Variants in LRBA observed in about 807,000 individuals in gnomAD.
LRBA encodes the protein LPS responsive beige-like anchor protein.
A neutral mutation model predicts 330.0 loss-of-function variants in LRBA; 176 were observed. The ratio of observed to expected loss-of-function variants is 0.53; its 90% CI spans 0.47 to 0.60. The LOEUF (loss-of-function observed/expected upper bound fraction) is 0.60, where lower values mean the gene tolerates loss of function less well. Ranked by LOEUF, LRBA falls within the 20% of genes least tolerant of loss-of-function variation. The pLI is 0.00. For synonymous variants in LRBA, 1,230 were observed against 1,193.0 expected (o/e 1.03, Z -0.64); for missense variants, 3,259 against 3,444.8 (o/e 0.95, Z 1.35).
intron 47 of LRBA, among the ~76,000 whole-genome samples, chr4:150,389,480 G>A (rs1743569246): frequency 6.6e-6 from 1 of 151,980 alleles, no homozygotes; most frequent in African/African-American, 2.4e-5. Context: ...GCTGAGGTGG[G>A]CAGATTGCTT....
chr4:150,549,620 T>C (rs780622990), intron 40 of LRBA, among the ~76,000 whole-genome samples: 15 of 152,174 alleles, frequency 9.9e-5, no homozygotes, highest in Non-Finnish European at 1.6e-4. Flanking sequence ...CATGAGCCAC[T>C]GCACCCAGCC....
chr4:150,778,400 C>T (rs893459614), intron 34 of LRBA, among the ~76,000 whole-genome samples: 18 of 152,046 alleles, frequency 1.2e-4, no homozygotes, highest in African/African-American at 4.3e-4. Flanking sequence ...ATTAAGATAA[C>T]CATGCAAATC....
At position 150,695,036 on chromosome 4, in the gene LRBA, T is replaced by C. The variant is rs563675800; in HGVS notation, c.5755-11319A>G. On this transcript the variant is annotated intron_variant, in intron 36 of 56. Coordinates refer to ENST00000651943, the MANE Select transcript of LRBA (RefSeq NM_001364905.1). ...TCCACACATAATATTTTGTTTTCATTATTTCTTTAGAGTACTTATTAACAA... is the reference window on the plus strand; with the variant it reads ...TCCACACATAATATTTTGTTTTCATCATTTCTTTAGAGTACTTATTAACAA... 5.4e-4 allele frequency among the ~76,000 whole-genome samples: 82 copies of C among 152,308 alleles called. 2 individuals are homozygous for C. The South Asian group carries it at 0.015, about 28-fold the overall frequency.
rs369295708 is a variant in LRBA, at chr4:150,282,546, C to T, written c.8220G>A (p.Glu2740=). The T allele has an allele frequency of 1.9e-6, 3 of 1,613,992 alleles. No individual in the cohort carries two copies. The African/African-American group carries it at 4.0e-5, about 22-fold the overall frequency. ...LKPKLIQASR[E]GHCVIFYENG... ...TTTCATAGAATATGACACAATGACC[C>T]TCTCTTGAAGCCTGAATGAGTTTTG... The change falls in exon 55 of 57, where the codon GAG becomes GAA. Residue 2740 remains glutamate (E), a synonymous_variant. Transcript: ENST00000651943.
chr4:150,731,515 A>G (rs1730455427), intron 36 of LRBA, among the ~76,000 whole-genome samples: 1 of 152,238 alleles, frequency 6.6e-6, no homozygotes, highest in Non-Finnish European at 1.5e-5. Context: ...AATGGAGATC[A>G]TTATGTTAAG....
chr4:150,473,611 G>A (rs921005826), intron 42 of LRBA, among the ~76,000 whole-genome samples: 9 of 152,156 alleles, frequency 5.9e-5, no homozygotes, highest in Non-Finnish European at 1.0e-4. Flanking sequence ...GATAGCAGGA[G>A]CTCTTGGTTC....
chr4:150,390,253 T>G (rs1561107953), intron 47 of LRBA, among the ~76,000 whole-genome samples: 1 of 152,132 alleles, frequency 6.6e-6, no homozygotes. Context: ...AACCAGAGAA[T>G]ACACTTTTCC....
chr4:150,459,281 T>C (rs1159954413), intron 44 of LRBA, among the ~76,000 whole-genome samples: 3 of 151,928 alleles, frequency 2.0e-5, no homozygotes, highest in African/African-American at 7.2e-5. Context: ...GGTGTTCTCA[T>C]ATCAGAAACG....
intron 36 of LRBA, among the ~76,000 whole-genome samples, chr4:150,699,277 A>G (rs1392340681): frequency 6.6e-6 from 1 of 152,106 alleles, no homozygotes; most frequent in Non-Finnish European, 1.5e-5. Flanking sequence ...CCTGTTCAAG[A>G]GTGTGGCCTA....
intron 35 of LRBA, among the ~76,000 whole-genome samples, chr4:150,742,805 G>C (rs568923009): frequency 1.3e-5 from 2 of 152,248 alleles, no homozygotes; most frequent in East Asian, 3.9e-4. Flanking sequence ...GGCCAAGGCA[G>C]GAGAATCACC....
intron 54 of LRBA, among the ~76,000 whole-genome samples, chr4:150,284,012 C>G (rs1013967996): frequency 1.3e-5 from 2 of 151,954 alleles, no homozygotes; most frequent in African/African-American, 2.4e-5. Context: ...TATTGGCCAA[C>G]AAAGATGAAA....
rs1168043956 is a variant in LRBA, at chr4:150,635,814, G to A, written c.5922-36683C>T. On this transcript the variant is annotated intron_variant, in intron 37 of 56. Transcript: ENST00000651943. ...ATTACCCCAGTAATCCTTATAGCAA[G>A]ATGACACAGCTGAGAATCATGTCTG... Among the ~76,000 whole-genome samples, 7 of 152,126 alleles carry A rather than the reference G, an allele frequency of 4.6e-5. No individual in the cohort carries two copies. In the East Asian group the frequency reaches 1.3e-3, roughly 29 times the overall value.
intron 49 of LRBA, among the ~76,000 whole-genome samples, chr4:150,322,381 C>T (rs1451212156): frequency 1.3e-5 from 2 of 152,144 alleles, no homozygotes; most frequent in Non-Finnish European, 2.9e-5. Flanking sequence ...AGTAATTGCA[C>T]TGTACATTTT....
Position 150,812,559 on chromosome 4 carries a change from T to TA in LRBA, c.5306-4162dup, listed in dbSNP as rs1416604745. Among the ~76,000 whole-genome samples the TA allele has an allele frequency of 9.2e-5, 14 of 152,146 alleles. 1 individual carries two copies. The highest frequency in any genetic ancestry group is 9.2e-4 in the Admixed American group (14 of 15,264). Reference sequence around the variant, plus strand: ...CCAGTTAATTCAGCCTGGGATAGTCTACATGCCCAGTAAAAACTAATTAAA... The same window carrying TA: ...CCAGTTAATTCAGCCTGGGATAGTCTAACATGCCCAGTAAAAACTAATTAAA... On this transcript the variant is annotated intron_variant, in intron 31 of 56. Transcript: ENST00000651943.
chr4:150,712,102 C>T (rs952630486), intron 36 of LRBA, among the ~76,000 whole-genome samples: 1 of 152,152 alleles, frequency 6.6e-6, no homozygotes, highest in Non-Finnish European at 1.5e-5. Flanking sequence ...AAGAGCAGAA[C>T]ATAAAGTTTT....
At chr4:150,437,859 A>G (rs1170640804) in intron 44 of LRBA, among the ~76,000 whole-genome samples, 2 of 152,254 alleles carry the variant, frequency 1.3e-5, no homozygotes, top group Non-Finnish European at 2.9e-5. Context: ...ATTGCTTAGC[A>G]TAAGATAAAG....
chr4:150,742,983 T>G (rs891314522), intron 35 of LRBA, among the ~76,000 whole-genome samples: 1 of 152,232 alleles, frequency 6.6e-6, no homozygotes, highest in African/African-American at 2.4e-5. Flanking sequence ...TTTTATTTTT[T>G]TGGAGATAGA....
At chr4:150,868,706 G>A (rs1411969772) in intron 20 of LRBA, among the ~76,000 whole-genome samples, 1 of 152,156 alleles carries the variant, frequency 6.6e-6, no homozygotes, top group Non-Finnish European at 1.5e-5. Flanking sequence ...GGGAAGCTGA[G>A]GTGGGTGGAT....
At chr4:150,670,565 G>A (rs1207102922) in intron 37 of LRBA, among the ~76,000 whole-genome samples, 3 of 152,078 alleles carry the variant, frequency 2.0e-5, no homozygotes, top group Non-Finnish European at 4.4e-5. Flanking sequence ...TTAACAAATG[G>A]CATACAGAAA....
Sources: gnomAD v4.1 joint callset for allele counts (sites outside exome capture counted in the v4.1 genomes callset) on GRCh38, gnomAD v4.1.1 for gene constraint, MANE v1.5 for transcripts, NCBI Gene and HGNC (gene_info 2026-07-23, HGNC 2026-07-21) for gene names.